Variants in EFNB2 observed in about 807,000 individuals in gnomAD.
EFNB2 encodes ephrin-B2.
EFNB2 carries 5 observed loss-of-function variants against 32.1 expected under a neutral mutation model. That is an observed-to-expected ratio of 0.16 (90% confidence interval 0.08 to 0.33). The LOEUF (loss-of-function observed/expected upper bound fraction) is 0.33. Ranked by LOEUF, EFNB2 falls within the 10% of genes least tolerant of loss-of-function variation. The pLI, the probability that EFNB2 is intolerant of heterozygous loss-of-function variation, is 1.00. For missense variants in EFNB2, 263 were observed against 422.6 expected (o/e 0.62, Z 3.31); for synonymous variants, 168 against 166.5 (o/e 1.01, Z -0.07).
chr13:106,529,617 G>C (rs1457459726), intron 1 of EFNB2, among the ~76,000 whole-genome samples: 2 of 152,168 alleles, frequency 1.3e-5, no homozygotes, highest in Non-Finnish European at 2.9e-5. Flanking sequence ...AAGGGCCTTC[G>C]TCCCGCGCCC....
chr13:106,507,536 AT>A (rs1566457904), intron 2 of EFNB2, among the ~76,000 whole-genome samples: 1 of 152,304 alleles, frequency 6.6e-6, no homozygotes, highest in Non-Finnish European at 1.5e-5. Context: ...ATTTTACTTT[AT>A]TTTGTGATTT....
Position 106,492,985 on chromosome 13 carries a change from G to A in EFNB2, c.*55C>T. 1 of 1,542,992 alleles carries A rather than the reference G, an allele frequency of 6.5e-7. No individual in the cohort carries two copies. The highest frequency in any genetic ancestry group is 8.7e-7 in the Non-Finnish European group (1 of 1,144,506). ...CGCGGGCTCTCAAACCCTCAAGGGAGGCATCGGGACATTAGGTGTCCTCTG... is the reference window on the plus strand; with the variant it reads ...CGCGGGCTCTCAAACCCTCAAGGGAAGCATCGGGACATTAGGTGTCCTCTG... On this transcript the variant is annotated 3_prime_UTR_variant, in exon 5 of 5. Transcript: ENST00000646441. The surrounding 1 kb of genome is among the most constrained non-coding windows in gnomAD (Gnocchi z 5.1).
Position 106,494,904 on chromosome 13 carries a change from CTTG to C in EFNB2, c.587_589del (p.Thr196del), listed in dbSNP as rs757448346. 2.5e-6 allele frequency: 4 copies of C among 1,614,086 alleles called. No individual in the cohort carries two copies. Among genetic ancestry groups the C allele is most frequent in the East Asian group, 2.2e-5 (1 of 44,872 alleles). ...ACCTGGATTTGGTTTTACAAAGGGA[CTTG>C]TTGTCGAACTTCTTCCATTTGTACC... is the stretch of plus-strand genomic sequence containing the variant. On this transcript the variant is annotated inframe_deletion, in exon 4 of 5. Coordinates refer to ENST00000646441, the MANE Select transcript of EFNB2 (RefSeq NM_004093.4).
At chr13:106,534,790 C>T (rs962998830) in intron 1 of EFNB2, 53 bp downstream of exon 1, 2 of 1,558,110 alleles carry the variant, frequency 1.3e-6, no homozygotes, top group African/African-American at 2.7e-5. Flanking sequence ...CCCGCCCGGA[C>T]GGCGCGGCGG....
Position 106,493,100 on chromosome 13 carries a change from C to T in EFNB2, c.942G>A (p.Pro314=), listed in dbSNP as rs143343883. The T allele has an allele frequency of 4.4e-5, 71 of 1,613,950 alleles. No individual in the cohort carries two copies. Among genetic ancestry groups the T allele is most frequent in the African/African-American group, 1.2e-4 (9 of 75,040 alleles). Residue 314 remains proline, a synonymous_variant, in exon 5 of 5, where the codon CCG becomes CCA. Transcript: ENST00000646441. This position sits in a 1 kb window ranked among gnomAD's most constrained non-coding sequence, Gnocchi z 6.1. ...GGGGCATCTCCTGGACGATGTACAC[C>T]GGGTGCCCGTAGTCCCCGCTGACCT... The part of the protein sequence containing the change: ...YEKVSGDYGH[P]VYIVQEMPPQ...
At chr13:106,516,846 C>T (rs970465774) in intron 1 of EFNB2, 1 of 152,132 alleles carries the variant, frequency 6.6e-6, no homozygotes, top group Non-Finnish European at 1.5e-5. Context: ...AGCTACATGG[C>T]ATTTGTGTTT....
intron 2 of EFNB2, among the ~76,000 whole-genome samples, chr13:106,509,627 C>CTGTGTGTGTGTGTGTGTGTG (rs34068695): frequency 1.3e-3 from 189 of 142,660 alleles, no homozygotes; most frequent in Non-Finnish European, 1.8e-3. Context: ...CAGAGCTTGA[C>CTGTGTGTGTGTGTGTGTGTG]TGTGTGTGTG....
chr13:106,493,689 C>G lies in EFNB2; in HGVS notation c.614-261G>C, dbSNP rs1467894914. Among the ~76,000 whole-genome samples the G allele has an allele frequency of 6.6e-6, 1 of 152,188 alleles. No individual in the cohort carries two copies. The highest frequency in any genetic ancestry group is 2.4e-5 in the African/African-American group (1 of 41,444). The stretch of plus-strand genomic sequence containing the variant: ...CAGCAAGAGCACAGACTGTCGGTGA[C>G]AGCCAGCCCTTGATCTTGCTTCATC... On this transcript the variant is annotated intron_variant, in intron 4 of 4. Coordinates refer to ENST00000646441, the MANE Select transcript of EFNB2 (RefSeq NM_004093.4). This position sits in a 1 kb window ranked among gnomAD's most constrained non-coding sequence, Gnocchi z 6.1.
chr13:106,495,679 A>G, intron 3 of EFNB2, 69 bp downstream of exon 3: 4 of 1,487,916 alleles, frequency 2.7e-6, no homozygotes, highest in Non-Finnish European at 3.7e-6. Context: ...CATCGGCAAC[A>G]TTAGCACCAT....
chr13:106,495,572 T>C (rs919542042), intron 3 of EFNB2, among the ~76,000 whole-genome samples, 176 bp downstream of exon 3: 1 of 152,182 alleles, frequency 6.6e-6, no homozygotes, highest in Non-Finnish European at 1.5e-5. Context: ...AGATCTCCAA[T>C]AAAAGCTTAG....
At chr13:106,516,762 A>T (rs1345248558) in intron 1 of EFNB2, 2 of 152,232 alleles carry the variant, frequency 1.3e-5, no homozygotes, top group Admixed American at 1.3e-4. Flanking sequence ...CGAGGCAGTC[A>T]TCTGAGACCA....
chr13:106,527,168 G>A (rs1353368457), intron 1 of EFNB2, among the ~76,000 whole-genome samples: 8 of 152,120 alleles, frequency 5.3e-5, no homozygotes, highest in South Asian at 2.1e-4. Context: ...CAATGGGGAC[G>A]TGGGTAGCAA....
At chr13:106,498,799 T>G (rs1242083446) in intron 2 of EFNB2, among the ~76,000 whole-genome samples, 1 of 152,118 alleles carries the variant, frequency 6.6e-6, no homozygotes, top group Non-Finnish European at 1.5e-5. Context: ...GCTTGCCACG[T>G]GGGGAGCAAA....
chr13:106,528,579 G>GC (rs1490285488), intron 1 of EFNB2, among the ~76,000 whole-genome samples: 2 of 152,066 alleles, frequency 1.3e-5, no homozygotes, highest in Admixed American at 1.3e-4. Context: ...GCAGCCTTTG[G>GC]CATTTTCAAT....
intron 2 of EFNB2, among the ~76,000 whole-genome samples, chr13:106,496,476 C>T (rs1392859520): frequency 6.6e-6 from 1 of 152,198 alleles, no homozygotes; most frequent in African/African-American, 2.4e-5. Flanking sequence ...CCAATGTCAA[C>T]CTTAGTCAAC....
intron 2 of EFNB2, among the ~76,000 whole-genome samples, chr13:106,501,596 C>CTT (rs753512349): frequency 2.1e-5 from 3 of 143,568 alleles, no homozygotes; most frequent in African/African-American, 2.5e-5. Flanking sequence ...ATTTATTTTC[C>CTT]TTTTTTTTTT....
chr13:106,532,864 C>A (rs370718890), intron 1 of EFNB2, among the ~76,000 whole-genome samples: 21 of 151,426 alleles, frequency 1.4e-4, no homozygotes, highest in African/African-American at 4.9e-4. Flanking sequence ...CCCCCCAGGA[C>A]CCCCCATCTC....
chr13:106,512,380 T>TG (rs1879169006), intron 2 of EFNB2, 149 bp downstream of exon 2: 4 of 491,236 alleles, frequency 8.1e-6, no homozygotes, highest in East Asian at 3.5e-5. Flanking sequence ...AAGTTTTCTT[T>TG]GAAAAAAAAA....
intron 2 of EFNB2, among the ~76,000 whole-genome samples, chr13:106,508,827 A>G (rs538197715): frequency 1.3e-5 from 2 of 152,248 alleles, no homozygotes; most frequent in Admixed American, 6.5e-5. Context: ...AGTTTGCCAC[A>G]TATCTCCTAA....
Sources: gnomAD v4.1 joint callset for allele counts (sites outside exome capture counted in the v4.1 genomes callset) on GRCh38, gnomAD v4.1.1 for gene constraint, Gnocchi (gnomAD v3.1) non-coding constraint, MANE v1.5 for transcripts, NCBI Gene and HGNC (gene_info 2026-07-23, HGNC 2026-07-21) for gene names.